Variants in MCPH1 observed in about 807,000 individuals in gnomAD.
MCPH1 encodes the protein microcephalin 1.
In MCPH1, 104 loss-of-function variants were observed where a neutral mutation model predicts 84.5. The observed-to-expected ratio is 1.23, with a 90% CI of 1.05 to 1.45. The LOEUF (loss-of-function observed/expected upper bound fraction) is 1.45, where lower values mean the gene tolerates loss of function less well. Ranked by LOEUF, MCPH1 falls within the 40% of genes most tolerant of loss-of-function variation. The pLI is 0.00. For synonymous variants in MCPH1, 514 were observed against 366.8 expected, an observed-to-expected ratio of 1.40 and a Z score of -4.58; for missense variants, 1,498 against 1,005.7, an observed-to-expected ratio of 1.49 and a Z score of -6.62.
At position 6,552,556 on chromosome 8, in the gene MCPH1, A is replaced by G. The variant is rs1237024170; in HGVS notation, c.2214+52627A>G. 6.6e-5 allele frequency among the ~76,000 whole-genome samples: 10 copies of G among 152,200 alleles called. No homozygotes were observed. The East Asian group carries it at 1.9e-3, about 29-fold the overall frequency. On this transcript the variant is annotated intron_variant, in intron 12 of 13. Transcript: ENST00000344683. Reference sequence around the variant, plus strand: ...AATTATAACCTTTAACTAATGTGAGATATAGTATAGATCTTGATAAGTGTC... The same window carrying G: ...AATTATAACCTTTAACTAATGTGAGGTATAGTATAGATCTTGATAAGTGTC...
intron 12 of MCPH1, among the ~76,000 whole-genome samples, chr8:6,611,765 T>C (rs376375558): frequency 3.9e-4 from 60 of 152,244 alleles, no homozygotes; most frequent in South Asian, 1.0e-3. Context: ...ACTACAGGCG[T>C]CCGCCACCAC....
chr8:6,633,454 G>A (rs2515561), intron 13 of MCPH1, among the ~76,000 whole-genome samples: 37,870 of 152,110 alleles, frequency 0.25, 5,344 homozygotes, highest in Non-Finnish European at 0.33. Context: ...TGTAATACAG[G>A]TTGAACATTC....
At chr8:6,508,827 G>A (rs113081627) in intron 12 of MCPH1, 1 of 1,492,666 alleles carries the variant, frequency 6.7e-7, no homozygotes, top group African/African-American at 1.4e-5. Flanking sequence ...GTATGAAATT[G>A]TGGACATCGT....
At chr8:6,474,261 C>T (rs1808144757) in intron 9 of MCPH1, 2 of 569,268 alleles carry the variant, frequency 3.5e-6, no homozygotes, top group Non-Finnish European at 6.4e-6. Context: ...AAATCACCCA[C>T]ATTAATGTAT....
In MCPH1 at chr8:6,409,455, TTTTAC is replaced by T. The variant is rs1239230838; in HGVS notation, c.114+88_114+92del. 4 of 1,157,110 alleles carry T rather than the reference TTTTAC, an allele frequency of 3.5e-6. No homozygotes were observed. The East Asian group carries it at 9.5e-5, about 27-fold the overall frequency. 71.7% of individuals were successfully genotyped at this position (1,157,110 alleles called of 1,614,324 possible). On this transcript the variant is annotated intron_variant, in intron 2 of 13. Coordinates refer to ENST00000344683, the MANE Select transcript of MCPH1 (RefSeq NM_024596.5). ...ATTTGCATTTTCTTATTTTGGGAGT[TTTTAC>T]TTAGAATCTGGACGAAGCAATGGGT...
At chr8:6,593,640 C>A (rs1828693160) in intron 12 of MCPH1, among the ~76,000 whole-genome samples, 1 of 152,202 alleles carries the variant, frequency 6.6e-6, no homozygotes, top group African/African-American at 2.4e-5. Flanking sequence ...AGGTGTGAAC[C>A]CCTACAGCTG....
chr8:6,457,403 GGCAAAACCCTGGCCAACA>G (rs879576870), intron 9 of MCPH1, among the ~76,000 whole-genome samples: 1 of 151,918 alleles, frequency 6.6e-6, no homozygotes, highest in Non-Finnish European at 1.5e-5. Flanking sequence ...TGGCCAACAT[GGCAAAACCCTGGCCAACA>G]TGGCAAAATC....
intron 11 of MCPH1, among the ~76,000 whole-genome samples, chr8:6,488,800 T>C (rs1211793026): frequency 1.3e-5 from 2 of 151,698 alleles, no homozygotes; most frequent in Non-Finnish European, 2.9e-5. Flanking sequence ...CAGCAAAGAA[T>C]GGATTGCAGG....
chr8:6,622,091 C>A, intron 13 of MCPH1: 1 of 341,330 alleles, frequency 2.9e-6, no homozygotes, highest in Non-Finnish European at 5.9e-6. Flanking sequence ...GGCCCAAGCC[C>A]CCGTCCCTGT....
At chr8:6,550,918 A>C (rs1389164862) in intron 12 of MCPH1, among the ~76,000 whole-genome samples, 1 of 152,174 alleles carries the variant, frequency 6.6e-6, no homozygotes, top group Non-Finnish European at 1.5e-5. Context: ...CAGCCCAAGG[A>C]GCCCAAGGGG....
At chr8:6,562,943 C>T (rs373047959) in intron 12 of MCPH1, 3 of 1,574,822 alleles carry the variant, frequency 1.9e-6, no homozygotes, top group South Asian at 2.3e-5. Context: ...ATTCTTTCTT[C>T]AGTAATAAAC....
intron 13 of MCPH1, chr8:6,627,043 G>C (rs905312397): frequency 3.2e-5 from 32 of 984,820 alleles, no homozygotes; most frequent in Middle Eastern, 5.2e-4. Context: ...AAGAAAATTT[G>C]GTTTGAACAT....
intron 12 of MCPH1, chr8:6,508,641 G>C: frequency 1.7e-6 from 1 of 575,302 alleles, no homozygotes; most frequent in South Asian, 2.4e-5. Context: ...TATCCAGCAA[G>C]CACAAACGCA....
chr8:6,426,186 A>T (rs1801033585), intron 3 of MCPH1, among the ~76,000 whole-genome samples: 1 of 152,168 alleles, frequency 6.6e-6, no homozygotes, highest in Admixed American at 6.5e-5. Flanking sequence ...TTGTTTTTTT[A>T]AAATCAGCTT....
At chr8:6,453,509 G>T (rs1224299347) in intron 8 of MCPH1, among the ~76,000 whole-genome samples, 2 of 151,848 alleles carry the variant, frequency 1.3e-5, no homozygotes, top group Non-Finnish European at 2.9e-5. Context: ...GGCAAGAACT[G>T]AGGCAAGTGG....
intron 3 of MCPH1, among the ~76,000 whole-genome samples, chr8:6,430,880 T>C (rs1213082355): frequency 6.6e-6 from 1 of 152,106 alleles, no homozygotes; most frequent in Non-Finnish European, 1.5e-5. Flanking sequence ...AAAATCATAA[T>C]TATTTAGACT....
At chr8:6,510,483 A>T (rs892012393) in intron 12 of MCPH1, among the ~76,000 whole-genome samples, 2 of 152,344 alleles carry the variant, frequency 1.3e-5, no homozygotes, top group South Asian at 4.1e-4. Flanking sequence ...GAATACAAAG[A>T]AGAGAGAAAA....
chr8:6,444,918 G>C lies in MCPH1; in HGVS notation c.1196G>C (p.Gly399Ala). ...GAAGACAGGCTGCAGCACGTGGCGG[G>C]ACCTGCCCTGGAGGCTCTTAGCTGT... ...RSEDRLQHVA[G>A]PALEALSCGE... Residue 399 changes from glycine (G) to alanine (A), a missense_variant, in exon 8 of 14, where the codon GGA (glycine) becomes GCA (alanine). Transcript: ENST00000344683. 1 of 1,614,130 alleles carries C rather than the reference G, an allele frequency of 6.2e-7. No individual in the cohort carries two copies. The highest frequency in any genetic ancestry group is 8.5e-7 in the Non-Finnish European group (1 of 1,180,012).
At chr8:6,466,348 C>G (rs1392578695) in intron 9 of MCPH1, among the ~76,000 whole-genome samples, 1 of 149,820 alleles carries the variant, frequency 6.7e-6, no homozygotes, top group African/African-American at 2.5e-5. Context: ...CGCTCTGTTG[C>G]TGAGGCTGGA....
Sources: allele counts gnomAD v4.1 joint callset (sites outside exome capture counted in the v4.1 genomes callset), GRCh38; gene constraint gnomAD v4.1.1; transcripts MANE v1.5; gene names NCBI Gene and HGNC (gene_info 2026-07-23, HGNC 2026-07-21).